FBXO28: variants seen among roughly 807,000 people sequenced by gnomAD.
FBXO28 encodes F-box only protein 28.
Under a neutral mutation model 38.1 loss-of-function variants are expected in FBXO28, and 8 were observed. The observed-to-expected ratio is 0.21, with a 90% CI of 0.12 to 0.38. The LOEUF is 0.38. Among genes scored for constraint, FBXO28 ranks in the 10% least tolerant of loss-of-function variants. The probability of loss-of-function intolerance (pLI) is 1.00; values close to 1 mark genes in which losing one functional copy is unlikely to be tolerated. For missense variants in FBXO28, 345 were observed against 460.6 expected (o/e 0.75, Z 2.30); for synonymous variants, 168 against 173.8 (o/e 0.97, Z 0.26).
intron 1 of FBXO28, among the ~76,000 whole-genome samples, chr1:224,119,307 T>A (rs542419212): frequency 4.6e-5 from 7 of 151,730 alleles, no homozygotes; most frequent in South Asian, 2.1e-4. Flanking sequence ...CTAATTTTTT[T>A]TTTTTATTTT....
At chr1:224,141,743 G>T (rs1657359672) in intron 3 of FBXO28, among the ~76,000 whole-genome samples, 1 of 152,056 alleles carries the variant, frequency 6.6e-6, no homozygotes, top group African/African-American at 2.4e-5. Context: ...TAAAAGTAGG[G>T]TATAAAAAAA....
At chr1:224,127,184 ATGTG>A (rs916334673) in intron 1 of FBXO28, among the ~76,000 whole-genome samples, 16 of 51,452 alleles carry the variant, frequency 3.1e-4, no homozygotes, top group African/African-American at 9.5e-4. Context: ...GTGTGTGTGT[ATGTG>A]TGTGTGTGTG....
intron 3 of FBXO28, among the ~76,000 whole-genome samples, chr1:224,151,703 C>T (rs932932918): frequency 1.3e-5 from 2 of 152,026 alleles, no homozygotes; most frequent in Non-Finnish European, 2.9e-5. Context: ...TCAGTTCTTA[C>T]GAGGTTAAGG....
chr1:224,151,242 T>C (rs1183696335), intron 3 of FBXO28, among the ~76,000 whole-genome samples: 1 of 152,186 alleles, frequency 6.6e-6, no homozygotes, highest in East Asian at 1.9e-4. Flanking sequence ...AAATATCACC[T>C]ACATGTCCCA....
At position 224,160,875 on chromosome 1, in the gene FBXO28, A is replaced by G. The variant is rs1037006529; in HGVS notation, c.*3129A>G. Reference sequence around the variant, plus strand: ...TAGCCCCAAAGGTGGGTAAAACAGTATAAGTAATGCCTAAATTAATAAGCT... The same window carrying G: ...TAGCCCCAAAGGTGGGTAAAACAGTGTAAGTAATGCCTAAATTAATAAGCT... On this transcript the variant is annotated 3_prime_UTR_variant, in exon 5 of 5. Coordinates refer to ENST00000366862, the MANE Select transcript of FBXO28 (RefSeq NM_015176.4). 1 of 152,224 alleles carries G rather than the reference A, an allele frequency of 6.6e-6. No homozygotes were observed. Among genetic ancestry groups the G allele is most frequent in the African/African-American group, 2.4e-5 (1 of 41,456 alleles). The allele number at this position is 152,224 out of a possible 1,614,324, so 9.4% of individuals were successfully genotyped here.
intron 3 of FBXO28, among the ~76,000 whole-genome samples, chr1:224,142,364 TGGG>T (rs1657377883): frequency 6.8e-6 from 1 of 146,970 alleles, no homozygotes; most frequent in African/African-American, 2.5e-5. Flanking sequence ...AAAAAAAAAA[TGGG>T]GGGACAGGCA....
At chr1:224,157,001 CAAAAA>C (rs60316057) in intron 4 of FBXO28, among the ~76,000 whole-genome samples, 1 of 137,158 alleles carries the variant, frequency 7.3e-6, no homozygotes, top group Non-Finnish European at 1.6e-5. Context: ...GACTCTGTCT[CAAAAA>C]AAAAAAAAAA....
chr1:224,157,493 T>C lies in FBXO28; in HGVS notation c.854T>C (p.Leu285Pro). Residue 285 changes from leucine to proline, a missense_variant, in exon 5 of 5, where the codon CTT (leucine) becomes CCT (proline). By Grantham distance (98) the Leu-to-Pro change is moderately conservative (BLOSUM62 -3). Around this residue, in one of 6 missense-constraint regions of FBXO28, gnomAD observed 151 missense variants for 188.3 expected, o/e 0.80. Transcript: ENST00000366862. ...VTVLRREISELRTKVQEQQKQ... is the reference protein window; with the variant it reads ...VTVLRREISEPRTKVQEQQKQ... ...GTTCTCAGGCGTGAAATTTCTGAGC[T>C]TCGCACCAAAGTGCAAGAACAGCAA... 6.2e-7 allele frequency: 1 copy of C among 1,614,222 alleles called. No individual in the cohort carries two copies. Among genetic ancestry groups the C allele is most frequent in the Non-Finnish European group, 8.5e-7 (1 of 1,180,042 alleles).
chr1:224,134,360 A>G (rs1016052517), intron 3 of FBXO28, 148 bp downstream of exon 3: 1 of 595,736 alleles, frequency 1.7e-6, no homozygotes, highest in African/African-American at 1.9e-5. Context: ...GTACAGTTAT[A>G]AATATGTATC....
chr1:224,136,618 C>T (rs1202884875), intron 3 of FBXO28, among the ~76,000 whole-genome samples: 2 of 150,458 alleles, frequency 1.3e-5, no homozygotes, highest in East Asian at 4.0e-4. Flanking sequence ...GTCCCAGCTA[C>T]TCGGGAGGCT....
At chr1:224,155,678 C>T (rs1208000868) in intron 4 of FBXO28, among the ~76,000 whole-genome samples, 1 of 152,090 alleles carries the variant, frequency 6.6e-6, no homozygotes, top group African/African-American at 2.4e-5. Context: ...TAGTTAGCTC[C>T]CTGTAGTACT....
At chr1:224,126,654 C>T (rs771808947) in intron 1 of FBXO28, among the ~76,000 whole-genome samples, 8 of 151,906 alleles carry the variant, frequency 5.3e-5, no homozygotes, top group Non-Finnish European at 1.2e-4. Context: ...ATCTCTATTA[C>T]GAAAAATTAG....
intron 1 of FBXO28, among the ~76,000 whole-genome samples, chr1:224,117,256 T>A (rs779587233): frequency 5.4e-5 from 7 of 129,852 alleles, no homozygotes; most frequent in Non-Finnish European, 9.2e-5. Flanking sequence ...AGCCTCCACC[T>A]CCTGGGGTTC....
rs1226796053 is a variant in FBXO28 at position 224,114,161 on chromosome 1, A to G, written c.32A>G (p.Glu11Gly). MAAAAEERMA[E>G]EGGGGQGDGG... Reference sequence around the variant, plus strand: ...GCAGCGGCGGAGGAGCGGATGGCAGAGGAAGGAGGCGGCGGCCAAGGCGAC... The same window carrying G: ...GCAGCGGCGGAGGAGCGGATGGCAGGGGAAGGAGGCGGCGGCCAAGGCGAC... The change falls in exon 1 of 5, where the codon GAG becomes GGG. Residue 11 changes from glutamate (E) to glycine (G), a missense_variant. Transcript: ENST00000366862. 10 of 1,546,212 alleles carry G rather than the reference A, an allele frequency of 6.5e-6. No homozygotes were observed. Among genetic ancestry groups the G allele is most frequent in the Non-Finnish European group, 7.9e-6 (9 of 1,145,300 alleles).
At chr1:224,114,519 G>T in intron 1 of FBXO28, 123 bp downstream of exon 1, 2 of 839,276 alleles carry the variant, frequency 2.4e-6, no homozygotes, top group Non-Finnish European at 3.6e-6. Flanking sequence ...GATCTGGGAG[G>T]GAGCCGCTCC....
chr1:224,127,006 A>G (rs1443542821), intron 1 of FBXO28, among the ~76,000 whole-genome samples: 2 of 151,758 alleles, frequency 1.3e-5, no homozygotes, highest in South Asian at 4.2e-4. Context: ...CTTTCCTTCA[A>G]TAACATAAAA....
At chr1:224,122,115 A>G (rs1572006094) in intron 1 of FBXO28, among the ~76,000 whole-genome samples, 1 of 152,210 alleles carries the variant, frequency 6.6e-6, no homozygotes, top group African/African-American at 2.4e-5. Context: ...CTTTTGGAAG[A>G]GGTGGGAAGT....
chr1:224,133,153 G>A (rs1657094201), intron 2 of FBXO28, among the ~76,000 whole-genome samples: 1 of 152,162 alleles, frequency 6.6e-6, no homozygotes, highest in Admixed American at 6.6e-5. Context: ...CATTTATCTG[G>A]AATGTTCAGA....
At chr1:224,124,058 G>A (rs1344657568) in intron 1 of FBXO28, among the ~76,000 whole-genome samples, 1 of 152,058 alleles carries the variant, frequency 6.6e-6, no homozygotes, top group Non-Finnish European at 1.5e-5. Context: ...TGCAGTGAGT[G>A]GAGATTGCAC....
Sources: gnomAD v4.1 joint callset for allele counts (sites outside exome capture counted in the v4.1 genomes callset) on GRCh38, gnomAD v4.1.1 for gene constraint, gnomAD v4.1.1 regional missense constraint, MANE v1.5 for transcripts, NCBI Gene and HGNC (gene_info 2026-07-23, HGNC 2026-07-21) for gene names.